Variants in PIKFYVE observed in about 807,000 individuals in gnomAD.
The protein encoded by PIKFYVE is 1-phosphatidylinositol 3-phosphate 5-kinase.
PIKFYVE carries 122 observed loss-of-function variants against 257.9 expected under a neutral mutation model. The ratio of observed to expected loss-of-function variants is 0.47; its 90% CI spans 0.41 to 0.55. The LOEUF is 0.55. Ranked by LOEUF, PIKFYVE falls within the 20% of genes least tolerant of loss-of-function variation. The pLI is 0.00. For synonymous variants in PIKFYVE, 892 were observed against 868.9 expected (o/e 1.03, Z -0.47); for missense variants, 2,160 against 2,536.6 (o/e 0.85, Z 3.19).
chr2:208,353,953 A>G lies in PIKFYVE; in HGVS notation c.5900A>G (p.Lys1967Arg), dbSNP rs368322222. The change falls in exon 40 of 42, where the codon AAA (lysine) becomes AGA (arginine). Residue 1967 changes from lysine to arginine, a missense_variant. Transcript: ENST00000264380. ...CGGAATGTAAAAACTGACACTGGAA[A>G]AGAGAGTTGTGATGTGGTCCTGCTA... ...RNRNVKTDTGKESCDVVLLDE... is the reference protein window; with the variant it reads ...RNRNVKTDTGRESCDVVLLDE... 29 of 1,613,938 alleles carry G rather than the reference A, an allele frequency of 1.8e-5. No individual in the cohort carries two copies. The highest frequency in any genetic ancestry group is 2.1e-5 in the Non-Finnish European group (25 of 1,179,966).
At chr2:208,302,168 G>A in intron 9 of PIKFYVE, 74 bp from the exon 10 acceptor site, 1 of 1,263,748 alleles carries the variant, frequency 7.9e-7, no homozygotes, top group Non-Finnish European at 1.2e-6. Flanking sequence ...AATATTTTAA[G>A]GTTGTGTCTT....
chr2:208,279,231 C>T (rs1188878419), intron 5 of PIKFYVE, among the ~76,000 whole-genome samples: 2 of 152,040 alleles, frequency 1.3e-5, no homozygotes, highest in East Asian at 1.9e-4. Flanking sequence ...ATGTCTTTTG[C>T]CCAATTTTTA....
intron 5 of PIKFYVE, among the ~76,000 whole-genome samples, chr2:208,285,182 G>A (rs759214240): frequency 1.5e-4 from 23 of 152,076 alleles, no homozygotes; most frequent in African/African-American, 3.4e-4. Context: ...TGCAACCTCC[G>A]CCTCCCGGGT....
At chr2:208,269,918 G>T in intron 1 of PIKFYVE, 1 of 267,078 alleles carries the variant, frequency 3.7e-6, no homozygotes, top group South Asian at 6.2e-5. Flanking sequence ...TGGAGATGGA[G>T]GGCCCTGCTG....
chr2:208,340,049 C>G lies in PIKFYVE; in HGVS notation c.4849C>G (p.Gln1617Glu). 1 of 1,613,860 alleles carries G rather than the reference C, an allele frequency of 6.2e-7. No homozygotes were observed. Among genetic ancestry groups the G allele is most frequent in the Non-Finnish European group, 8.5e-7 (1 of 1,179,816 alleles). The change falls in exon 31 of 42, where the codon CAA becomes GAA. Residue 1617 changes from glutamine to glutamate, a missense_variant. Gln to Glu is a conservative substitution (Grantham distance 29). Around this residue, in one of 12 missense-constraint regions of PIKFYVE, gnomAD observed 699 missense variants for 855.8 expected, o/e 0.82. Transcript: ENST00000264380. ...DGHLLGSTDS[Q>E]VKEKSTMKAI... The stretch of plus-strand genomic sequence containing the variant: ...GCATTTGCTGGGATCCACAGACAGC[C>G]AAGTGAAGGAAAAGTCAACCATGAA...
intron 34 of PIKFYVE, among the ~76,000 whole-genome samples, chr2:208,347,033 G>A (rs1232440676): frequency 1.3e-5 from 2 of 152,266 alleles, no homozygotes; most frequent in East Asian, 1.9e-4. Context: ...GCATTGTCCC[G>A]GTTGGGTTAT....
At chr2:208,340,296 A>G (rs1337080478) in intron 31 of PIKFYVE, among the ~76,000 whole-genome samples, 165 bp downstream of exon 31, 3 of 152,246 alleles carry the variant, frequency 2.0e-5, no homozygotes, top group Non-Finnish European at 4.4e-5. Flanking sequence ...TGTAGAATAT[A>G]TAATCATTAT....
intron 6 of PIKFYVE, 61 bp downstream of exon 6, chr2:208,285,994 T>C (rs1691523967): frequency 6.7e-7 from 1 of 1,500,546 alleles, no homozygotes; most frequent in African/African-American, 1.4e-5. Flanking sequence ...TGTCTGACCT[T>C]TGAGTGCTTT....
chr2:208,304,566 G>A (rs1347602454), intron 11 of PIKFYVE, among the ~76,000 whole-genome samples: 2 of 152,034 alleles, frequency 1.3e-5, no homozygotes, highest in African/African-American at 4.8e-5. Context: ...TAATAATATG[G>A]CAGCAGACAA....
At chr2:208,319,746 C>T (rs1695983157) in intron 16 of PIKFYVE, among the ~76,000 whole-genome samples, 1 of 152,096 alleles carries the variant, frequency 6.6e-6, no homozygotes, top group Non-Finnish European at 1.5e-5. Flanking sequence ...TCTTTTTGAA[C>T]TTCATGTTTC....
chr2:208,319,555 C>G (rs1695963089), intron 16 of PIKFYVE, among the ~76,000 whole-genome samples: 1 of 152,162 alleles, frequency 6.6e-6, no homozygotes, highest in Non-Finnish European at 1.5e-5. Flanking sequence ...TTTGTAGTTG[C>G]TAAAAAGAGT....
intron 2 of PIKFYVE, 146 bp downstream of exon 2, chr2:208,271,837 A>G: frequency 1.3e-6 from 1 of 777,748 alleles, no homozygotes; most frequent in Middle Eastern, 3.7e-4. Flanking sequence ...AATATTAACA[A>G]GCGATAGCTT....
chr2:208,288,488 A>G (rs530991414), intron 6 of PIKFYVE, among the ~76,000 whole-genome samples: 1 of 152,344 alleles, frequency 6.6e-6, no homozygotes, highest in Admixed American at 6.5e-5. Flanking sequence ...CTTTATTTAC[A>G]TTCCATATAC....
At chr2:208,305,494 A>G in intron 12 of PIKFYVE, 2 of 898,114 alleles carry the variant, frequency 2.2e-6, no homozygotes, top group Non-Finnish European at 2.7e-6. Context: ...AATAATTCAT[A>G]ATGCTTATTA....
At chr2:208,266,770 G>T (rs13034777) in intron 1 of PIKFYVE, among the ~76,000 whole-genome samples, 4,986 of 152,278 alleles carry the variant, frequency 0.033, 75 homozygotes, top group Middle Eastern at 0.054. Flanking sequence ...CATGAGTTCT[G>T]AGTTTGTCAG....
chr2:208,342,363 A>G lies in PIKFYVE; in HGVS notation c.4932-191A>G, dbSNP rs1036584843. Among the ~76,000 whole-genome samples, 8 of 152,324 alleles carry G rather than the reference A, an allele frequency of 5.3e-5. 1 individual carries two copies. In the South Asian group the frequency reaches 1.0e-3, roughly 20 times the overall value. The stretch of plus-strand genomic sequence containing the variant: ...ATGGAAAGGTTTGTTTGGAGTGACT[A>G]TTGCAGAACTCTCTGATTTGAAACC... On this transcript the variant is annotated intron_variant, in intron 31 of 41. Transcript: ENST00000264380.
At chr2:208,302,096 G>GT (rs1157576593) in intron 9 of PIKFYVE, 146 bp from the exon 10 acceptor site, 11 of 696,110 alleles carry the variant, frequency 1.6e-5, no homozygotes, top group Admixed American at 2.2e-5. Flanking sequence ...TAACTCTCTC[G>GT]TTTCGTCCTT....
In PIKFYVE at chr2:208,345,152, C is replaced by T. The variant is rs375710914; in HGVS notation, c.5069C>T (p.Ala1690Val). 10 of 1,612,758 alleles carry T rather than the reference C, an allele frequency of 6.2e-6. No homozygotes were observed. The highest frequency in any genetic ancestry group is 1.3e-5 in the African/African-American group (1 of 74,882). Residue 1690 changes from alanine (A) to valine (V), a missense_variant, in exon 33 of 42, where the codon GCG (alanine) becomes GTG (valine). Transcript: ENST00000264380. The part of the protein sequence containing the change: ...YRNALEELSK[A>V]TQWNSAEEGL... ...AATGCCTTAGAGGAATTGTCTAAAG[C>T]GACTCAGTGGAACAGTGCCGAAGAA...
intron 7 of PIKFYVE, among the ~76,000 whole-genome samples, chr2:208,297,765 T>G (rs1160025862): frequency 3.3e-5 from 5 of 152,186 alleles, no homozygotes; most frequent in African/African-American, 1.2e-4. Context: ...AAAATTGGGT[T>G]TAATTTTTTT....
Sources: gnomAD v4.1 joint callset for allele counts (sites outside exome capture counted in the v4.1 genomes callset) on GRCh38, gnomAD v4.1.1 for gene constraint, gnomAD v4.1.1 regional missense constraint, MANE v1.5 for transcripts, NCBI Gene and HGNC (gene_info 2026-07-23, HGNC 2026-07-21) for gene names.